FNIP2: variants seen among roughly 807,000 people sequenced by gnomAD.
FNIP2 encodes the protein folliculin interacting protein 2.
FNIP2 carries 32 observed loss-of-function variants against 108.7 expected under a neutral mutation model. The ratio of observed to expected loss-of-function variants is 0.29; its 90% CI spans 0.22 to 0.40. The LOEUF is 0.40. Ranked by LOEUF, FNIP2 falls within the 10% of genes least tolerant of loss-of-function variation. The probability of loss-of-function intolerance (pLI) is 1.00; values close to 1 mark genes in which losing one functional copy is unlikely to be tolerated. For missense variants in FNIP2, 1,202 were observed against 1,381.6 expected, an observed-to-expected ratio of 0.87 and a Z score of 2.06; for synonymous variants, 480 against 496.7, an observed-to-expected ratio of 0.97 and a Z score of 0.45.
chr4:158,887,241 T>C lies in FNIP2; in HGVS notation c.2950-4205T>C, dbSNP rs1782064698. Among the ~76,000 whole-genome samples, 4 of 152,238 alleles carry C rather than the reference T, an allele frequency of 2.6e-5. No homozygotes were observed. In the South Asian group the frequency reaches 8.3e-4, roughly 31 times the overall value. ...TTAATTTCTTAAAAGTATTGCTACA[T>C]GTATGTTACTGCAAATAAGTGTATG... On this transcript the variant is annotated intron_variant, in intron 14 of 16. Coordinates refer to ENST00000264433, the MANE Select transcript of FNIP2 (RefSeq NM_020840.3).
At chr4:158,881,422 CT>C (rs1327000504) in intron 14 of FNIP2, among the ~76,000 whole-genome samples, 1 of 143,560 alleles carries the variant, frequency 7.0e-6, no homozygotes, top group Non-Finnish European at 1.5e-5. Flanking sequence ...CCCTCTCCCT[CT>C]CTTTCCACGG....
chr4:158,815,444 GCC>G (rs1777510640), intron 1 of FNIP2, among the ~76,000 whole-genome samples: 1 of 148,978 alleles, frequency 6.7e-6, no homozygotes, highest in Non-Finnish European at 1.5e-5. Context: ...ATGCAGTGGC[GCC>G]AGCTCCGCTC....
chr4:158,834,288 T>TTCCCTCTCTCTCTCTCTC (rs1778653543), intron 6 of FNIP2: 1 of 63,220 alleles, frequency 1.6e-5, no homozygotes, highest in African/African-American at 5.9e-5. Flanking sequence ...CATGGAAGAC[T>TTCCCTCTCTCTCTCTCTC]TCTCTCTCTC....
intron 1 of FNIP2, among the ~76,000 whole-genome samples, chr4:158,815,895 T>C (rs2126526180): frequency 6.6e-6 from 1 of 152,322 alleles, no homozygotes; most frequent in East Asian, 1.9e-4. Flanking sequence ...CCTTATTCTT[T>C]GCTGTGTCAG....
chr4:158,861,699 T>C lies in FNIP2; in HGVS notation c.1388T>C (p.Phe463Ser), dbSNP rs780738719. Reference sequence around the variant, plus strand: ...GTGGATCACCCTCCCATCAAAGCCTTCTCAGAGAAACGTACCTCCCAGTCA... The same window carrying C: ...GTGGATCACCCTCCCATCAAAGCCTCCTCAGAGAAACGTACCTCCCAGTCA... ...MPVDHPPIKA[F>S]SEKRTSQSVN... Residue 463 changes from phenylalanine to serine, a missense_variant, in exon 12 of 17, where the codon TTC becomes TCC. Physicochemically the swap from Phe to Ser is radical, Grantham distance 155. This residue lies in a region of FNIP2 where 878 missense variants were observed against 990.3 expected (regional missense o/e 0.89). Transcript: ENST00000264433. 5.0e-6 allele frequency: 8 copies of C among 1,614,004 alleles called. No homozygotes were observed. Among genetic ancestry groups the C allele is most frequent in the Non-Finnish European group, 6.8e-6 (8 of 1,179,898 alleles).
chr4:158,887,907 A>G (rs1782104667), intron 14 of FNIP2, among the ~76,000 whole-genome samples: 1 of 152,206 alleles, frequency 6.6e-6, no homozygotes, highest in African/African-American at 2.4e-5. Context: ...ATATGTTTAC[A>G]CTGCCCAGTC....
Position 158,860,546 on chromosome 4 carries a change from G to A in FNIP2, c.1149-796G>A, listed in dbSNP as rs536498155. The stretch of plus-strand genomic sequence containing the variant: ...TTGTGCTCTTTGATGGCAGTCTGAT[G>A]ATTAGTAAACCTTCCATAGTTTTTG... On this transcript the variant is annotated intron_variant, in intron 10 of 16. Transcript: ENST00000264433. 4.6e-5 allele frequency among the ~76,000 whole-genome samples: 7 copies of A among 151,994 alleles called. No homozygotes were observed. In the South Asian group the frequency reaches 1.2e-3, roughly 27 times the overall value.
intron 7 of FNIP2, among the ~76,000 whole-genome samples, chr4:158,841,470 G>A (rs1407346031): frequency 2.0e-5 from 3 of 152,192 alleles, no homozygotes; most frequent in African/African-American, 7.2e-5. Context: ...ATGGCATCCC[G>A]TTTGTACGTG....
rs550034370 is a variant in FNIP2, at chr4:158,824,752, C to T, written c.108-1164C>T. Among the ~76,000 whole-genome samples, 17 of 152,228 alleles carry T rather than the reference C, an allele frequency of 1.1e-4. No individual in the cohort carries two copies. In the South Asian group the frequency reaches 2.5e-3, roughly 22 times the overall value. ...GAACATGATCCTGGCCCCTGCCTGC[C>T]GTCCTTTCCACCTCACGGCACTCAC... On this transcript the variant is annotated intron_variant, in intron 1 of 16. Transcript: ENST00000264433.
chr4:158,769,361 T>G, intron 1 of FNIP2, 42 bp downstream of exon 1: 1 of 1,373,976 alleles, frequency 7.3e-7, no homozygotes, highest in East Asian at 3.1e-5. Flanking sequence ...GGGACCCGAG[T>G]TGGCTTCGGT....
At chr4:158,893,388 A>G in intron 15 of FNIP2, 1 of 270,260 alleles carries the variant, frequency 3.7e-6, no homozygotes, top group Admixed American at 4.9e-5. Context: ...TCCTATGGTT[A>G]TGAAATTATA....
intron 14 of FNIP2, among the ~76,000 whole-genome samples, chr4:158,885,729 A>G (rs1004476607): frequency 6.6e-6 from 1 of 152,232 alleles, no homozygotes; most frequent in Non-Finnish European, 1.5e-5. Flanking sequence ...ACTAAGTACT[A>G]TCCCATTTTA....
At chr4:158,797,305 T>C (rs1776620772) in intron 1 of FNIP2, among the ~76,000 whole-genome samples, 1 of 152,196 alleles carries the variant, frequency 6.6e-6, no homozygotes, top group African/African-American at 2.4e-5. Context: ...CTCATTGACT[T>C]TGTTATTCTG....
chr4:158,890,691 TGAG>T (rs1782234290), intron 14 of FNIP2, among the ~76,000 whole-genome samples: 1 of 152,186 alleles, frequency 6.6e-6, no homozygotes, highest in South Asian at 2.1e-4. Flanking sequence ...ATAGAATTGA[TGAG>T]AAGTCAAAAG....
At chr4:158,839,617 C>T (rs147905014) in intron 7 of FNIP2, among the ~76,000 whole-genome samples, 53 of 152,264 alleles carry the variant, frequency 3.5e-4, no homozygotes, top group African/African-American at 1.3e-3. Context: ...ATTTTCCCAC[C>T]TCACACTCCC....
At chr4:158,806,518 G>T in intron 1 of FNIP2, 2 of 912,076 alleles carry the variant, frequency 2.2e-6, no homozygotes, top group Non-Finnish European at 3.0e-6. Flanking sequence ...GAAAGTTGTT[G>T]TTTCTCATAA....
At chr4:158,863,354 C>G (rs1222135563) in intron 12 of FNIP2, among the ~76,000 whole-genome samples, 1 of 152,206 alleles carries the variant, frequency 6.6e-6, no homozygotes, top group Non-Finnish European at 1.5e-5. Context: ...TGGGAATACA[C>G]AATGATGGAG....
rs1231393122 is a variant in FNIP2, at chr4:158,769,174, C to T, written c.-39C>T. 8.9e-7 allele frequency: 1 copy of T among 1,128,112 alleles called. No homozygotes were observed. Among genetic ancestry groups the T allele is most frequent in the South Asian group, 1.9e-5 (1 of 52,402 alleles). 69.9% of individuals were successfully genotyped at this position (1,128,112 alleles called of 1,614,324 possible). A position where few individuals can be genotyped will look rare whatever the true frequency, so the allele number is the denominator to read the frequency against. On this transcript the variant is annotated 5_prime_UTR_variant, in exon 1 of 17. Coordinates refer to ENST00000264433, the MANE Select transcript of FNIP2 (RefSeq NM_020840.3). ...CCCCGGCTGCGCGCTGAGCCGCCGG[C>T]CCCCCGAGCGCCACGGCCGGAGCTG...
chr4:158,904,542 T>C lies in FNIP2; in HGVS notation c.3343T>C (p.Ter1115GlnextTer18), dbSNP rs752247651. 12 of 1,612,348 alleles carry C rather than the reference T, an allele frequency of 7.4e-6. No individual in the cohort carries two copies. Among genetic ancestry groups the C allele is most frequent in the South Asian group, 3.3e-5 (3 of 91,064 alleles). ...TCCTTATGTGGCTCAAATACTCTTA[T>C]AAGCTAAAGCTCAGGACAGTTCTTC... ...HSPYVAQILL[*>Q] The change falls in exon 17 of 17, where the codon TAA (stop) becomes CAA (glutamine). Residue 1115 changes from the stop codon to glutamine (Q), a stop_lost. Coordinates refer to ENST00000264433, the MANE Select transcript of FNIP2 (RefSeq NM_020840.3).
Sources: gnomAD v4.1 joint callset for allele counts (sites outside exome capture counted in the v4.1 genomes callset) on GRCh38, gnomAD v4.1.1 for gene constraint, gnomAD v4.1.1 regional missense constraint, MANE v1.5 for transcripts, NCBI Gene and HGNC (gene_info 2026-07-23, HGNC 2026-07-21) for gene names.